FANK1: variants seen among roughly 807,000 people sequenced by gnomAD.
FANK1 encodes fibronectin type 3 and ankyrin repeat domains protein 1.
A neutral mutation model predicts 45.3 loss-of-function variants in FANK1; 44 were observed. The ratio of observed to expected loss-of-function variants is 0.97; its 90% confidence interval spans 0.76 to 1.25. FANK1 has a LOEUF of 1.25. Among genes scored for constraint, FANK1 ranks in the 50% most tolerant of loss-of-function variants. The pLI, the probability that FANK1 is intolerant of heterozygous loss-of-function variation, is 0.00. For missense variants in FANK1, 391 were observed against 424.4 expected, an observed-to-expected ratio of 0.92 and a Z score of 0.69; for synonymous variants, 149 against 152.5, an observed-to-expected ratio of 0.98 and a Z score of 0.17.
intron 7 of FANK1, among the ~76,000 whole-genome samples, chr10:126,006,189 A>C (rs1226713100): frequency 6.6e-6 from 1 of 152,180 alleles, no homozygotes; most frequent in African/African-American, 2.4e-5. Context: ...AAATTGAGAA[A>C]AGTCATGTCT....
At chr10:125,949,850 A>T (rs1391136455) in intron 1 of FANK1, among the ~76,000 whole-genome samples, 3 of 147,788 alleles carry the variant, frequency 2.0e-5, no homozygotes, top group Non-Finnish European at 4.5e-5. Flanking sequence ...GCATCACACT[A>T]CCTGACTTCA....
intron 1 of FANK1, among the ~76,000 whole-genome samples, chr10:125,922,025 A>G (rs1946980738): frequency 6.6e-6 from 1 of 152,096 alleles, no homozygotes; most frequent in African/African-American, 2.4e-5. Flanking sequence ...TTTTTACTTA[A>G]AGTAAATGCT....
At chr10:125,968,614 TTC>T (rs1377163789) in intron 1 of FANK1, among the ~76,000 whole-genome samples, 1 of 152,250 alleles carries the variant, frequency 6.6e-6, no homozygotes, top group Non-Finnish European at 1.5e-5. Context: ...TGATCACCAC[TTC>T]TCTCTGTAGC....
In FANK1 at chr10:125,997,443, AT is replaced by A; in HGVS notation, c.498del (p.Asn166LysfsTer5). 6.2e-7 allele frequency: 1 copy of A among 1,613,924 alleles called. No homozygotes were observed. The highest frequency in any genetic ancestry group is 1.1e-5 in the South Asian group (1 of 91,036). On this transcript the variant is annotated frameshift_variant, in exon 6 of 11. Transcript: ENST00000368693. LOFTEE classifies it high-confidence loss of function. ...AGGCTTGTGAAAATCCTAGTTTCTA[AT>A]GGCACAGACGTGAATCTGAAGAATG... ...YTRLVKILVS[N>X]GTDVNLKNGS...
chr10:125,920,199 A>G (rs1049936401), intron 1 of FANK1, among the ~76,000 whole-genome samples: 2 of 152,260 alleles, frequency 1.3e-5, no homozygotes, highest in Non-Finnish European at 2.9e-5. Context: ...GAAGGATGAC[A>G]TAGGCCGAAA....
At chr10:125,975,665 T>C (rs867579500) in intron 1 of FANK1, among the ~76,000 whole-genome samples, 1 of 152,246 alleles carries the variant, frequency 6.6e-6, no homozygotes, top group African/African-American at 2.4e-5. Flanking sequence ...CTCTTGTAAA[T>C]GTGTTTAAGT....
intron 1 of FANK1, among the ~76,000 whole-genome samples, chr10:125,915,075 G>T (rs975174933): frequency 6.6e-6 from 1 of 152,136 alleles, no homozygotes; most frequent in African/African-American, 2.4e-5. Flanking sequence ...TGGTGAAAGG[G>T]ATCCAGCTAC....
intron 7 of FANK1, among the ~76,000 whole-genome samples, chr10:126,006,033 A>G (rs550171976): frequency 2.6e-5 from 4 of 152,316 alleles, no homozygotes; most frequent in Admixed American, 6.5e-5. Flanking sequence ...AACTTTGAAA[A>G]CTTTATTTCA....
At chr10:125,921,646 G>T (rs1006966202) in intron 1 of FANK1, among the ~76,000 whole-genome samples, 1 of 152,006 alleles carries the variant, frequency 6.6e-6, no homozygotes, top group Non-Finnish European at 1.5e-5. Context: ...AAATACAGGG[G>T]TATTCAAGCT....
At chr10:126,006,791 T>A (rs1193611513) in intron 7 of FANK1, among the ~76,000 whole-genome samples, 2 of 152,042 alleles carry the variant, frequency 1.3e-5, no homozygotes, top group Non-Finnish European at 2.9e-5. Context: ...ACCCAGGAGG[T>A]GGAGGTTGCA....
chr10:125,938,055 T>G (rs1418599591), intron 1 of FANK1, among the ~76,000 whole-genome samples: 3 of 152,168 alleles, frequency 2.0e-5, no homozygotes, highest in African/African-American at 7.2e-5. Context: ...ACTCCATATG[T>G]TTATTGGTAT....
intron 5 of FANK1, among the ~76,000 whole-genome samples, 194 bp from the exon 6 acceptor site, chr10:125,997,226 C>A (rs1217209505): frequency 6.6e-6 from 1 of 152,102 alleles, no homozygotes; most frequent in East Asian, 1.9e-4. Flanking sequence ...GGTAAAAGCC[C>A]ACATTTCTGG....
At position 126,005,361 on chromosome 10, in the gene FANK1, G is replaced by A. The variant is rs1953112424; in HGVS notation, c.705+312G>A. Reference sequence around the variant, plus strand: ...CTCACTCTGTCGCCCACGCTGGAGTGCAGTGGCGCGATCTCGGTTCATTGA... The same window carrying A: ...CTCACTCTGTCGCCCACGCTGGAGTACAGTGGCGCGATCTCGGTTCATTGA... On this transcript the variant is annotated intron_variant, in intron 7 of 10. Coordinates refer to ENST00000368693, the MANE Select transcript of FANK1 (RefSeq NM_145235.5). Among the ~76,000 whole-genome samples the A allele has an allele frequency of 1.4e-5, 2 of 147,812 alleles. 1 individual carries two copies. The highest frequency in any genetic ancestry group is 1.4e-4 in the Admixed American group (2 of 14,760).
intron 1 of FANK1, among the ~76,000 whole-genome samples, chr10:125,946,119 A>G (rs1948780059): frequency 6.6e-6 from 1 of 152,172 alleles, no homozygotes; most frequent in African/African-American, 2.4e-5. Flanking sequence ...CATCACCATC[A>G]TCAAAGACCA....
At chr10:125,988,438 C>T in intron 2 of FANK1, 113 bp from the exon 3 acceptor site, 1 of 1,394,426 alleles carries the variant, frequency 7.2e-7, no homozygotes, top group Middle Eastern at 2.1e-4. Context: ...GATCCATCGG[C>T]TGTGTCCTGG....
intron 1 of FANK1, among the ~76,000 whole-genome samples, chr10:125,954,931 TA>T (rs1164022271): frequency 4.0e-5 from 6 of 151,216 alleles, no homozygotes; most frequent in African/African-American, 1.2e-4. Flanking sequence ...AAAAATAAAT[TA>T]AAAAAAGGGG....
intron 1 of FANK1, among the ~76,000 whole-genome samples, chr10:125,976,324 G>T (rs1950850866): frequency 6.6e-6 from 1 of 152,132 alleles, no homozygotes; most frequent in Non-Finnish European, 1.5e-5. Flanking sequence ...TCTTGCAGGA[G>T]TTCCCTGTAT....
intron 1 of FANK1, among the ~76,000 whole-genome samples, chr10:125,947,651 A>G (rs995891251): frequency 1.3e-5 from 2 of 151,448 alleles, no homozygotes; most frequent in African/African-American, 4.9e-5. Flanking sequence ...TTAGACACCC[A>G]CACATTAATA....
chr10:125,966,325 A>T (rs1340723620), intron 1 of FANK1, among the ~76,000 whole-genome samples: 1 of 152,188 alleles, frequency 6.6e-6, no homozygotes, highest in African/African-American at 2.4e-5. Flanking sequence ...AGGCTCTGCC[A>T]GACTTGCCTC....
Sources: gnomAD v4.1 joint callset for allele counts (sites outside exome capture counted in the v4.1 genomes callset) on GRCh38, gnomAD v4.1.1 for gene constraint, MANE v1.5 for transcripts, NCBI Gene and HGNC (gene_info 2026-07-23, HGNC 2026-07-21) for gene names.